The following SVIL variants were observed in gnomAD, a reference collection of about 807,000 sequenced individuals.
SVIL encodes archvillin.
In SVIL, 101 loss-of-function variants were observed where a neutral mutation model predicts 240.4. The observed-to-expected ratio is 0.42, with a 90% CI of 0.36 to 0.50. SVIL has a LOEUF of 0.50. Ranked by LOEUF, SVIL falls within the 20% of genes least tolerant of loss-of-function variation. The pLI, the probability that SVIL is intolerant of heterozygous loss-of-function variation, is 0.01. For missense variants in SVIL, 2,512 were observed against 2,818.7 expected, an observed-to-expected ratio of 0.89 and a Z score of 2.46; for synonymous variants, 999 against 1,100.0, an observed-to-expected ratio of 0.91 and a Z score of 1.82.
chr10:29,706,829 AG>A (rs1962922491), intron 1 of SVIL, among the ~76,000 whole-genome samples: 2 of 152,340 alleles, frequency 1.3e-5, no homozygotes, highest in South Asian at 4.1e-4. Context: ...GGTGTAAGGA[AG>A]GGGTCTAGCT....
chr10:29,510,690 G>A (rs1283200186), intron 17 of SVIL, among the ~76,000 whole-genome samples: 1 of 151,800 alleles, frequency 6.6e-6, no homozygotes, highest in African/African-American at 2.4e-5. Flanking sequence ...CAGGCCCCAC[G>A]TGTCATGACT....
chr10:29,580,694 T>G (rs1955905797), intron 1 of SVIL, among the ~76,000 whole-genome samples: 1 of 152,216 alleles, frequency 6.6e-6, no homozygotes, highest in Non-Finnish European at 1.5e-5. Flanking sequence ...TGAGACAGGG[T>G]CTGGCTCTGT....
At chr10:29,722,214 C>A (rs1964029670) in intron 1 of SVIL, among the ~76,000 whole-genome samples, 1 of 140,576 alleles carries the variant, frequency 7.1e-6, no homozygotes, top group African/African-American at 2.7e-5. Flanking sequence ...CAGAGTGAGA[C>A]TCTGTCTTAA....
rs541918989 is a variant in SVIL, at chr10:29,484,501, C to T, written c.4955+155G>A. On this transcript the variant is annotated intron_variant, in intron 27 of 37. Coordinates refer to ENST00000355867, the MANE Select transcript of SVIL (RefSeq NM_021738.3). This position sits in a 1 kb window ranked among gnomAD's most constrained non-coding sequence, Gnocchi z 4.7. ...CAATAGTTAGATAAAAGTTAAAGAA[C>T]TGTTCCTTTTGTGAATATTCACAGT... Among the ~76,000 whole-genome samples, 168 of 152,298 alleles carry T rather than the reference C, an allele frequency of 1.1e-3. No individual in the cohort carries two copies. The highest frequency in any genetic ancestry group is 3.9e-3 in the African/African-American group (162 of 41,564).
At chr10:29,479,545 C>G (rs559410910) in intron 29 of SVIL, among the ~76,000 whole-genome samples, 5 of 152,322 alleles carry the variant, frequency 3.3e-5, no homozygotes, top group African/African-American at 1.2e-4. Flanking sequence ...CACCTGCTGG[C>G]TGTTCCTGCA....
intron 28 of SVIL, 117 bp from the exon 29 acceptor site, chr10:29,480,930 T>C (rs1946762267): frequency 2.4e-6 from 3 of 1,225,296 alleles, no homozygotes; most frequent in Non-Finnish European, 3.4e-6. Context: ...TTCCACACTC[T>C]GTCTCAGGAT....
chr10:29,533,103 C>T lies in SVIL; in HGVS notation c.1264G>A (p.Val422Ile), dbSNP rs1247696. The T allele has an allele frequency of 0.98, 1,587,125 of 1,614,028 alleles. 780,366 individuals are homozygous for T. Among genetic ancestry groups the T allele is most frequent in the East Asian group, 1 (44,859 of 44,860 alleles). Residue 422 changes from valine (V) to isoleucine (I), a missense_variant, in exon 8 of 38, where the codon GTC (valine) becomes ATC (isoleucine). By Grantham distance (29) the Val-to-Ile change is conservative (BLOSUM62 3). Transcript: ENST00000355867. ...GDGRDSPVLH[V>I]CESKAEEEEG... ...TCTTCTTCTGCTTTTGACTCGCAGA[C>T]ATGGAGAACTGGGCTATCCCTTCCG...
At chr10:29,724,175 T>C (rs1376972391) in intron 1 of SVIL, among the ~76,000 whole-genome samples, 1 of 87,650 alleles carries the variant, frequency 1.1e-5, no homozygotes, top group Non-Finnish European at 2.7e-5. Flanking sequence ...GTTTTTTGTT[T>C]TCTCTCTTTT....
chr10:29,622,893 C>T (rs915960711), intron 1 of SVIL, among the ~76,000 whole-genome samples: 6 of 152,234 alleles, frequency 3.9e-5, no homozygotes, highest in Middle Eastern at 3.4e-3. Flanking sequence ...TCAACTCAAG[C>T]GTTATTAGTG....
Position 29,533,389 on chromosome 10 carries a change from G to A in SVIL, c.978C>T (p.Ser326=), listed in dbSNP as rs1382087354. 1.9e-6 allele frequency: 3 copies of A among 1,614,088 alleles called. No homozygotes were observed. Among genetic ancestry groups the A allele is most frequent in the African/African-American group, 1.3e-5 (1 of 75,012 alleles). The change falls in exon 8 of 38, where the codon TCC becomes TCT. Residue 326 remains serine (S), a synonymous_variant. Transcript: ENST00000355867. ...CTGGCTGGTGTCTCCTCTGAGTTAC[G>A]GACTCTGAGGCGAGTTCAGGGCTGT... ...ARNSPELASE[S]VTQRRHQPAP...
intron 1 of SVIL, among the ~76,000 whole-genome samples, chr10:29,696,687 T>C (rs1371757392): frequency 7.2e-6 from 1 of 138,886 alleles, no homozygotes; most frequent in Non-Finnish European, 1.6e-5. Flanking sequence ...GGCCGCCCCG[T>C]CTGAGAAGTG....
At chr10:29,728,224 T>A (rs1964405849) in intron 1 of SVIL, among the ~76,000 whole-genome samples, 1 of 151,930 alleles carries the variant, frequency 6.6e-6, no homozygotes, top group African/African-American at 2.4e-5. Context: ...AAAGCCAACG[T>A]GAATTCTGCT....
intron 1 of SVIL, among the ~76,000 whole-genome samples, chr10:29,591,975 G>A (rs1236123389): frequency 1.3e-5 from 2 of 152,240 alleles, no homozygotes; most frequent in Non-Finnish European, 2.9e-5. Context: ...TCTGGGCTGG[G>A]TGCTGTGGCT....
chr10:29,729,605 G>T lies in SVIL; in HGVS notation c.-400+6146C>A, dbSNP rs569919390. Among the ~76,000 whole-genome samples, 172 of 149,800 alleles carry T rather than the reference G, an allele frequency of 1.1e-3. 4 individuals carry two copies. In the South Asian group the frequency reaches 0.021, roughly 18 times the overall value. ...AATCCCAGCACTTTGGGAGGCCGAGGTGGGCAGATCATGAGGTCAGGAGTT... is the reference window on the plus strand; with the variant it reads ...AATCCCAGCACTTTGGGAGGCCGAGTTGGGCAGATCATGAGGTCAGGAGTT... On this transcript the variant is annotated intron_variant, in intron 1 of 35. Coordinates refer to the SVIL transcript ENST00000375400.
chr10:29,464,172 C>T (rs1308385817), intron 34 of SVIL, among the ~76,000 whole-genome samples: 1 of 152,120 alleles, frequency 6.6e-6, no homozygotes, highest in East Asian at 1.9e-4. Context: ...AGTGGTGGCT[C>T]ATGCCTGTAA....
At chr10:29,547,802 A>C (rs1256807081) in intron 6 of SVIL, among the ~76,000 whole-genome samples, 3 of 152,340 alleles carry the variant, frequency 2.0e-5, no homozygotes, top group East Asian at 1.9e-4. Context: ...ATCATGTGGC[A>C]ATCTGAAATT....
chr10:29,712,394 C>A (rs1039634052), intron 1 of SVIL, among the ~76,000 whole-genome samples: 1 of 152,110 alleles, frequency 6.6e-6, no homozygotes, highest in Non-Finnish European at 1.5e-5. Context: ...AAAGAGCCTG[C>A]GACCTTAGCT....
intron 34 of SVIL, among the ~76,000 whole-genome samples, chr10:29,465,030 T>C (rs1041090941): frequency 3.3e-5 from 5 of 152,162 alleles, no homozygotes; most frequent in Admixed American, 1.3e-4. Context: ...TACCCCAACA[T>C]CCTTCTCCTC....
At chr10:29,506,703 C>CGAGGGAGGGGACAGAGGGCCTAA (rs1949340364) in intron 17 of SVIL, among the ~76,000 whole-genome samples, 7 of 105,106 alleles carry the variant, frequency 6.7e-5, no homozygotes, top group South Asian at 6.1e-4. Flanking sequence ...AGAGGCCCTA[C>CGAGGGAGGGGACAGAGGGCCTAA]GAGGGAGGGG....
Sources: allele counts gnomAD v4.1 joint callset (sites outside exome capture counted in the v4.1 genomes callset), GRCh38; gene constraint gnomAD v4.1.1; non-coding constraint Gnocchi (gnomAD v3.1); transcripts MANE v1.5; gene names NCBI Gene and HGNC (gene_info 2026-07-23, HGNC 2026-07-21).